The following NEDD4L variants were observed in gnomAD, a reference collection of about 807,000 sequenced individuals.
NEDD4L encodes E3 ubiquitin-protein ligase NEDD4-like.
In NEDD4L, 54 loss-of-function variants were observed where a neutral mutation model predicts 148.9. That is an observed-to-expected ratio of 0.36 (90% CI 0.29 to 0.45). The LOEUF is 0.45. Ranked by LOEUF, NEDD4L falls within the 20% of genes least tolerant of loss-of-function variation. The pLI, the probability that NEDD4L is intolerant of heterozygous loss-of-function variation, is 1.00. For missense variants in NEDD4L, 856 were observed against 1,233.8 expected (o/e 0.69, Z 4.59); for synonymous variants, 433 against 440.7 (o/e 0.98, Z 0.22).
intron 1 of NEDD4L, among the ~76,000 whole-genome samples, chr18:58,145,632 T>G (rs116538252): frequency 0.24 from 36,354 of 149,326 alleles, 4,358 homozygotes; most frequent in South Asian, 0.27. Context: ...GGAATTGGGT[T>G]TTTTTTTTTT....
In NEDD4L at chr18:58,396,148, CT is replaced by C; in HGVS notation, c.2826-14del. Reference sequence around the variant, plus strand: ...GTGCTGTTGTGGCTTTTCACCTACACTTTTTGTTCCTTTTGCAGCTTTAATC... The same window carrying C: ...GTGCTGTTGTGGCTTTTCACCTACACTTTTGTTCCTTTTGCAGCTTTAATC... On this transcript the variant is annotated intron_variant, in intron 30 of 30. Coordinates refer to ENST00000400345, the MANE Select transcript of NEDD4L (RefSeq NM_001144967.3). The C allele has an allele frequency of 6.3e-7, 1 of 1,578,936 alleles. No homozygotes were observed. The highest frequency in any genetic ancestry group is 1.1e-5 in the South Asian group (1 of 89,812).
At chr18:58,347,794 G>A (rs1375117121) in intron 16 of NEDD4L, among the ~76,000 whole-genome samples, 4 of 152,188 alleles carry the variant, frequency 2.6e-5, no homozygotes, top group African/African-American at 9.7e-5. Flanking sequence ...CAGTTCCCAA[G>A]ATCTATGATT....
At chr18:58,291,165 C>T (rs1487813143) in intron 5 of NEDD4L, among the ~76,000 whole-genome samples, 1 of 151,884 alleles carries the variant, frequency 6.6e-6, no homozygotes, top group African/African-American at 2.4e-5. Flanking sequence ...CACATGGTCA[C>T]ACAGAGAACC....
At chr18:58,370,259 G>A (rs1292683934) in intron 22 of NEDD4L, 138 bp from the exon 23 acceptor site, 2 of 652,726 alleles carry the variant, frequency 3.1e-6, no homozygotes, top group Non-Finnish European at 5.6e-6. Flanking sequence ...CCTCGCTTGT[G>A]CAATACTGTA....
At chr18:58,392,095 G>C (rs934486374) in intron 30 of NEDD4L, among the ~76,000 whole-genome samples, 1 of 152,236 alleles carries the variant, frequency 6.6e-6, no homozygotes, top group African/African-American at 2.4e-5. Flanking sequence ...CCCTCAGAAG[G>C]CCCTCTCAGG....
chr18:58,100,855 G>T (rs1044881687), intron 1 of NEDD4L, among the ~76,000 whole-genome samples: 1 of 152,216 alleles, frequency 6.6e-6, no homozygotes, highest in African/African-American at 2.4e-5. Context: ...CATCCAGGCT[G>T]GAGTGCAGTG....
At chr18:58,074,295 C>G (rs1223660780) in intron 1 of NEDD4L, among the ~76,000 whole-genome samples, 1 of 150,762 alleles carries the variant, frequency 6.6e-6, no homozygotes, top group Non-Finnish European at 1.5e-5. Context: ...GAGTCTCACT[C>G]TGTCCCAGGT....
chr18:58,386,555 C>T (rs919551455), intron 26 of NEDD4L, among the ~76,000 whole-genome samples: 3 of 152,208 alleles, frequency 2.0e-5, no homozygotes, highest in African/African-American at 7.2e-5. Context: ...AGGGATGCTC[C>T]CAGGCCCCTA....
At chr18:58,180,634 C>A (rs1416047465) in intron 2 of NEDD4L, among the ~76,000 whole-genome samples, 1 of 152,210 alleles carries the variant, frequency 6.6e-6, no homozygotes. Context: ...TTTCATTACC[C>A]TTGCATTTCA....
intron 1 of NEDD4L, among the ~76,000 whole-genome samples, chr18:58,098,773 G>A (rs1048969584): frequency 6.6e-6 from 1 of 152,184 alleles, no homozygotes; most frequent in African/African-American, 2.4e-5. Flanking sequence ...GGATACTAGG[G>A]TGAGAAGATA....
At chr18:58,203,614 C>CTTT (rs11364816) in intron 2 of NEDD4L, among the ~76,000 whole-genome samples, 1 of 143,186 alleles carries the variant, frequency 7.0e-6, no homozygotes, top group Non-Finnish European at 1.5e-5. Context: ...AACAGATGAT[C>CTTT]TTTTTTTTTT....
At chr18:58,302,176 A>G (rs2056557883) in intron 5 of NEDD4L, among the ~76,000 whole-genome samples, 1 of 152,158 alleles carries the variant, frequency 6.6e-6, no homozygotes, top group Non-Finnish European at 1.5e-5. Context: ...ATATACGTAA[A>G]TGGCCTCTTC....
intron 2 of NEDD4L, among the ~76,000 whole-genome samples, chr18:58,199,961 G>A (rs149013998): frequency 7.2e-5 from 11 of 152,190 alleles, no homozygotes; most frequent in Non-Finnish European, 8.8e-5. Flanking sequence ...TTCAGGGTAC[G>A]TGGGGACTCT....
intron 2 of NEDD4L, among the ~76,000 whole-genome samples, chr18:58,207,166 G>C (rs141260473): frequency 3.3e-5 from 5 of 152,106 alleles, no homozygotes; most frequent in African/African-American, 1.2e-4. Flanking sequence ...AGTTCCAGCC[G>C]GCGCCATTTT....
At chr18:58,395,179 G>A (rs1029935390) in intron 30 of NEDD4L, among the ~76,000 whole-genome samples, 2 of 152,192 alleles carry the variant, frequency 1.3e-5, no homozygotes, top group African/African-American at 4.8e-5. Flanking sequence ...ATAATGAGCT[G>A]TGGCAAGTGT....
chr18:58,318,313 T>C (rs1030649341), intron 6 of NEDD4L, among the ~76,000 whole-genome samples: 8 of 152,186 alleles, frequency 5.3e-5, no homozygotes, highest in African/African-American at 1.9e-4. Flanking sequence ...CCCAGCACTT[T>C]TGGAGGCCGA....
intron 24 of NEDD4L, among the ~76,000 whole-genome samples, chr18:58,377,738 G>GGTTTGTTT (rs142530831): frequency 0.021 from 3,224 of 151,488 alleles, 119 homozygotes; most frequent in African/African-American, 0.073. Flanking sequence ...TTTGGTTATG[G>GGTTTGTTT]GTTTGTTTGT....
intron 12 of NEDD4L, 73 bp from the exon 13 acceptor site, chr18:58,335,405 C>T (rs2041607366): frequency 1.6e-6 from 2 of 1,222,464 alleles, no homozygotes; most frequent in Non-Finnish European, 2.4e-6. Context: ...GCTGCCACAG[C>T]AGTGGGCCCT....
chr18:58,323,729 T>C (rs1328687106), intron 8 of NEDD4L, among the ~76,000 whole-genome samples: 1 of 152,134 alleles, frequency 6.6e-6, no homozygotes, highest in East Asian at 1.9e-4. Flanking sequence ...TTTTTCAAGT[T>C]TCTTACTCAT....
Sources: gnomAD v4.1 joint callset for allele counts (sites outside exome capture counted in the v4.1 genomes callset) on GRCh38, gnomAD v4.1.1 for gene constraint, MANE v1.5 for transcripts, NCBI Gene and HGNC (gene_info 2026-07-23, HGNC 2026-07-21) for gene names.